Variants in WSCD1 observed in about 807,000 individuals in gnomAD.
WSCD1 encodes the protein sialate:O-sulfotransferase 1.
Under a neutral mutation model 60.4 loss-of-function variants are expected in WSCD1, and 41 were observed. The ratio of observed to expected loss-of-function variants is 0.68; its 90% CI spans 0.53 to 0.88. WSCD1 has a LOEUF of 0.88. WSCD1 is among the 40% of genes least tolerant of loss of function. The pLI is 0.00. For synonymous variants in WSCD1, 361 were observed against 332.5 expected (o/e 1.09, Z -0.93); for missense variants, 784 against 796.2 (o/e 0.98, Z 0.18).
In WSCD1 at chr17:6,110,654, G is replaced by GT. The variant is rs989527186; in HGVS notation, c.1010-115dup. On this transcript the variant is annotated intron_variant, in intron 6 of 8. Coordinates refer to ENST00000317744, the MANE Select transcript of WSCD1 (RefSeq NM_015253.2). This position sits in a 1 kb window ranked among gnomAD's most constrained non-coding sequence, Gnocchi z 4.8. ...GATCTCTTCCCTTCTTTGGGCCTTG[G>GT]TTCCCCCATCTATTAAATGGGAGTC... 1.3e-5 allele frequency: 17 copies of GT among 1,348,920 alleles called. No individual in the cohort carries two copies. The African/African-American group carries it at 2.2e-4, about 17-fold the overall frequency. The allele number at this position is 1,348,920 out of a possible 1,614,324, so 83.6% of individuals were successfully genotyped here.
chr17:6,116,476 C>T (rs961704433), intron 7 of WSCD1, among the ~76,000 whole-genome samples: 1 of 152,066 alleles, frequency 6.6e-6, no homozygotes, highest in Non-Finnish European at 1.5e-5. Flanking sequence ...TGTGGTAGGT[C>T]GAATGTGGTC....
At chr17:6,102,857 A>G (rs1041765885) in intron 5 of WSCD1, among the ~76,000 whole-genome samples, 2 of 152,148 alleles carry the variant, frequency 1.3e-5, no homozygotes, top group African/African-American at 2.4e-5. Flanking sequence ...GTTATAAACA[A>G]TGCTGCCACA....
chr17:6,077,545 C>G (rs564501621), intron 1 of WSCD1, among the ~76,000 whole-genome samples: 1 of 152,270 alleles, frequency 6.6e-6, no homozygotes, highest in East Asian at 1.9e-4. Flanking sequence ...CCAGCACCCA[C>G]CTCCCCAGAC....
intron 1 of WSCD1, among the ~76,000 whole-genome samples, chr17:6,077,358 A>ATC (rs149303286): frequency 0.04 from 6,037 of 152,208 alleles, 352 homozygotes; most frequent in African/African-American, 0.13. Context: ...AGGTGCTGGG[A>ATC]TTACAGGCAT....
intron 8 of WSCD1, among the ~76,000 whole-genome samples, chr17:6,119,242 G>C (rs190869651): frequency 6.6e-6 from 1 of 152,348 alleles, no homozygotes; most frequent in East Asian, 1.9e-4. Context: ...TTCTGGGTCA[G>C]ATTGGCCTGT....
At chr17:6,119,626 C>T (rs1206797134) in intron 8 of WSCD1, among the ~76,000 whole-genome samples, 1 of 152,152 alleles carries the variant, frequency 6.6e-6, no homozygotes, top group Non-Finnish European at 1.5e-5. Context: ...GACAGTCAGG[C>T]AGGCTGATCT....
chr17:6,086,560 A>G lies in WSCD1; in HGVS notation c.428-1430A>G, dbSNP rs549485911. 9.9e-4 allele frequency among the ~76,000 whole-genome samples: 150 copies of G among 151,866 alleles called. 1 individual carries two copies. Among genetic ancestry groups the G allele is most frequent in the African/African-American group, 3.4e-3 (140 of 41,368 alleles). On this transcript the variant is annotated intron_variant, in intron 2 of 8. Coordinates refer to ENST00000317744, the MANE Select transcript of WSCD1 (RefSeq NM_015253.2). ...GTAGAGACGGGGTTTCACCATGTTG[A>G]CCAGGCTGGTCTCGAACTCCTGATC...
chr17:6,103,733 A>C (rs1910935860), intron 5 of WSCD1, among the ~76,000 whole-genome samples: 1 of 152,164 alleles, frequency 6.6e-6, no homozygotes, highest in Non-Finnish European at 1.5e-5. Flanking sequence ...TTTGTGGAGA[A>C]AAGTGAATGC....
At chr17:6,114,217 A>G (rs951734544) in intron 7 of WSCD1, among the ~76,000 whole-genome samples, 4 of 151,266 alleles carry the variant, frequency 2.6e-5, no homozygotes, top group African/African-American at 9.7e-5. Context: ...AGCCTAAGGG[A>G]CATTATGTTA....
chr17:6,069,344 T>A (rs529059114), upstream of WSCD1: 4 of 396,760 alleles, frequency 1.0e-5, no homozygotes, highest in East Asian at 1.4e-4. Context: ...AAGAGGGGGA[T>A]TGTGTATAGA....
chr17:6,095,039 C>T (rs1330581543), intron 4 of WSCD1, 63 bp from the exon 5 acceptor site: 4 of 1,558,300 alleles, frequency 2.6e-6, no homozygotes, highest in Admixed American at 3.9e-5. Context: ...AGCATTTTCC[C>T]TGGTGACAGG....
chr17:6,069,809 GT>G (rs1393276805), upstream of WSCD1, among the ~76,000 whole-genome samples: 6 of 148,386 alleles, frequency 4.0e-5, no homozygotes, highest in Middle Eastern at 3.6e-3. Context: ...GTGCGTGCGT[GT>G]GTGGTGTGTG....
At chr17:6,098,841 C>G (rs1453144364) in intron 5 of WSCD1, among the ~76,000 whole-genome samples, 1 of 152,172 alleles carries the variant, frequency 6.6e-6, no homozygotes, top group African/African-American at 2.4e-5. Context: ...AGGTGACTCT[C>G]ACTGGTGGCA....
intron 8 of WSCD1, among the ~76,000 whole-genome samples, chr17:6,119,784 C>T (rs930453307): frequency 9.2e-5 from 14 of 152,138 alleles, no homozygotes; most frequent in Admixed American, 5.2e-4. Context: ...ACGCTTCAGA[C>T]GGCGTTTGAG....
At chr17:6,092,073 G>T (rs1910088412) in intron 4 of WSCD1, among the ~76,000 whole-genome samples, 1 of 148,638 alleles carries the variant, frequency 6.7e-6, no homozygotes, top group Non-Finnish European at 1.5e-5. Flanking sequence ...AGAATCGCTT[G>T]AACCCGGGAG....
In WSCD1 at chr17:6,110,381, G is replaced by A. The variant is rs1399488432; in HGVS notation, c.1010-390G>A. 1.3e-5 allele frequency among the ~76,000 whole-genome samples: 2 copies of A among 152,142 alleles called. No homozygotes were observed. Among genetic ancestry groups the A allele is most frequent in the Non-Finnish European group, 2.9e-5 (2 of 68,010 alleles). ...ATTAGTCCAGCTCTGGTTTATTGTT[G>A]GCAGTACCTGGGTGTGTTACTTTGC... On this transcript the variant is annotated intron_variant, in intron 6 of 8. Coordinates refer to ENST00000317744, the MANE Select transcript of WSCD1 (RefSeq NM_015253.2). This position sits in a 1 kb window ranked among gnomAD's most constrained non-coding sequence, Gnocchi z 4.8.
At chr17:6,100,177 AAAG>A (rs1397104597) in intron 5 of WSCD1, among the ~76,000 whole-genome samples, 2 of 152,190 alleles carry the variant, frequency 1.3e-5, no homozygotes, top group African/African-American at 2.4e-5. Flanking sequence ...TGGGGGCATG[AAAG>A]AAGGAGTGGG....
chr17:6,082,863 A>C (rs1909367957), intron 2 of WSCD1, among the ~76,000 whole-genome samples: 1 of 152,140 alleles, frequency 6.6e-6, no homozygotes, highest in Non-Finnish European at 1.5e-5. Flanking sequence ...GGTTCTGTGG[A>C]AGAGAACGGA....
At position 6,070,549 on chromosome 17, in the gene WSCD1, G is replaced by A. The variant is rs1310854972; in HGVS notation, c.-392G>A. Reference sequence around the variant, plus strand: ...GGGCGGCCGGAGACGTGCGGGCGCCGGGGCTTCTGGGCTCCGGGCACTGCG... The same window carrying A: ...GGGCGGCCGGAGACGTGCGGGCGCCAGGGCTTCTGGGCTCCGGGCACTGCG... On this transcript the variant is annotated 5_prime_UTR_variant, in exon 1 of 9. Transcript: ENST00000317744. 2 of 148,378 alleles carry A rather than the reference G, an allele frequency of 1.3e-5. No homozygotes were observed. The highest frequency in any genetic ancestry group is 3.0e-5 in the Non-Finnish European group (2 of 66,822). The allele number at this position is 148,378 out of a possible 1,614,324, so 9.2% of individuals were successfully genotyped here.
Sources: allele counts gnomAD v4.1 joint callset (sites outside exome capture counted in the v4.1 genomes callset), GRCh38; gene constraint gnomAD v4.1.1; non-coding constraint Gnocchi (gnomAD v3.1); transcripts MANE v1.5; gene names NCBI Gene and HGNC (gene_info 2026-07-23, HGNC 2026-07-21).